The following CENPF variants were observed in gnomAD, a reference collection of about 807,000 sequenced individuals.
The protein encoded by CENPF is AH antigen.
CENPF carries 214 observed loss-of-function variants against 307.3 expected under a neutral mutation model. The ratio of observed to expected loss-of-function variants is 0.70; its 90% CI spans 0.62 to 0.78. CENPF has a LOEUF of 0.78. CENPF is among the 30% of genes least tolerant of loss of function. The pLI, the probability that CENPF is intolerant of heterozygous loss-of-function variation, is 0.00. For synonymous variants in CENPF, 1,259 were observed against 1,270.6 expected, an observed-to-expected ratio of 0.99 and a Z score of 0.19; for missense variants, 3,401 against 3,483.9, an observed-to-expected ratio of 0.98 and a Z score of 0.60.
At chr1:214,650,814 A>G (rs141158482) in intron 14 of CENPF, among the ~76,000 whole-genome samples, 3,558 of 152,142 alleles carry the variant, frequency 0.023, 73 homozygotes, top group African/African-American at 0.053. Context: ...TGAGCCCTGG[A>G]GATTGAGGCT....
intron 1 of CENPF, chr1:214,605,821 G>T: frequency 6.3e-7 from 1 of 1,593,270 alleles, no homozygotes; most frequent in Non-Finnish European, 8.5e-7. Flanking sequence ...GCGCCAGCCC[G>T]TGCGAGAAGT....
In CENPF at chr1:214,663,593, C is replaced by G. The variant is rs544078650; in HGVS notation, c.9144C>G (p.Val3048=). 39 of 1,614,002 alleles carry G rather than the reference C, an allele frequency of 2.4e-5. 1 individual carries two copies. The South Asian group carries it at 4.1e-4, about 17-fold the overall frequency. The part of the protein sequence containing the change: ...PTAGGSRSQK[V]KVAQRSPVDS... ...TAACAGAGATGTTTGTGTTGCAGGT[C>G]AAAGTTGCTCAGCGGAGCCCAGTAG... is the stretch of plus-strand genomic sequence containing the variant. The change falls in exon 20 of 20, where the codon GTC becomes GTG. Residue 3048 remains valine (V), a splice_region_variant and synonymous_variant. Transcript: ENST00000366955.
At position 214,642,011 on chromosome 1, in the gene CENPF, C is replaced by G; in HGVS notation, c.3673C>G (p.Gln1225Glu). 3 of 1,610,980 alleles carry G rather than the reference C, an allele frequency of 1.9e-6. No individual in the cohort carries two copies. Among genetic ancestry groups the G allele is most frequent in the Non-Finnish European group, 2.5e-6 (3 of 1,179,316 alleles). Residue 1225 changes from glutamine to glutamate, a missense_variant, in exon 12 of 20, where the codon CAG (glutamine) becomes GAG (glutamate). Coordinates refer to ENST00000366955, the MANE Select transcript of CENPF (RefSeq NM_016343.4). ...GCTAAGAAATAAGGAATTAAAACTT[C>G]AGGAAAGTGAGAAGGAGAAGGAGTG... ...AMLRNKELKL[Q>E]ESEKEKECLQ...
intron 10 of CENPF, among the ~76,000 whole-genome samples, chr1:214,635,692 C>T (rs554722652): frequency 5.1e-4 from 78 of 152,252 alleles, no homozygotes; most frequent in African/African-American, 1.7e-3. Context: ...TGCTGGGTCC[C>T]AGGATTGGCT....
At chr1:214,647,783 T>C (rs1658353600) in intron 13 of CENPF, among the ~76,000 whole-genome samples, 2 of 152,194 alleles carry the variant, frequency 1.3e-5, no homozygotes, top group Non-Finnish European at 2.9e-5. Context: ...ACAGACATTA[T>C]CTAGGATCGG....
In CENPF at chr1:214,657,193, G is replaced by A; in HGVS notation, c.8746G>A (p.Val2916Ile). The part of the protein sequence containing the change: ...VVPGPSPIPS[V>I]TEKRLSSGQN... ...TCCAGGACCATCTCCAATCCCTTCT[G>A]TTACTGAAAAGAGGTTATCATCTGG... The change falls in exon 18 of 20, where the codon GTT becomes ATT. Residue 2916 changes from valine to isoleucine, a missense_variant. Physicochemically the swap from Val to Ile is conservative, Grantham distance 29. Transcript: ENST00000366955. The A allele has an allele frequency of 6.2e-7, 1 of 1,614,144 alleles. No individual in the cohort carries two copies. The highest frequency in any genetic ancestry group is 2.2e-5 in the East Asian group (1 of 44,876).
chr1:214,657,470 C>A, intron 18 of CENPF, 61 bp downstream of exon 18: 1 of 1,262,534 alleles, frequency 7.9e-7, no homozygotes, highest in South Asian at 1.4e-5. Context: ...TAATGGTTCA[C>A]ATATAAAAAG....
At chr1:214,619,006 C>T (rs2292377) in intron 4 of CENPF, 123 bp from the exon 5 acceptor site, 2 of 598,394 alleles carry the variant, frequency 3.3e-6, no homozygotes, top group African/African-American at 1.9e-5. Flanking sequence ...ATCTATTTCC[C>T]TAACCAAAAT....
intron 1 of CENPF, chr1:214,608,941 CA>C: frequency 8.5e-7 from 1 of 1,179,416 alleles, no homozygotes; most frequent in Non-Finnish European, 1.1e-6. Context: ...GAGTCGCGGG[CA>C]GGGGGGAGGG....
intron 3 of CENPF, among the ~76,000 whole-genome samples, chr1:214,616,097 A>G (rs1015274935): frequency 6.6e-6 from 1 of 152,068 alleles, no homozygotes; most frequent in African/African-American, 2.4e-5. Flanking sequence ...GTTTGTTAAA[A>G]CTGTGGAGAT....
chr1:214,609,163 C>G (rs1046889162), intron 1 of CENPF, among the ~76,000 whole-genome samples: 1 of 152,048 alleles, frequency 6.6e-6, no homozygotes, highest in Non-Finnish European at 1.5e-5. Flanking sequence ...CCCTCCGCGC[C>G]CCGGCCGGCC....
At chr1:214,632,421 T>A (rs1292444967) in intron 9 of CENPF, 59 bp from the exon 10 acceptor site, 40 of 1,566,172 alleles carry the variant, frequency 2.6e-5, no homozygotes, top group Non-Finnish European at 3.3e-5. Context: ...TAAGAATACA[T>A]GATTAATGAA....
rs748129194 is a variant in CENPF, at chr1:214,629,002, T to G, written c.1069-44T>G. On this transcript the variant is annotated intron_variant, in intron 7 of 19. Transcript: ENST00000366955. ...AACACAAAATATTTGTTCATTTATG[T>G]GAGTAATATTTATTTTGTCTTGAAC... 14 of 1,397,086 alleles carry G rather than the reference T, an allele frequency of 1.0e-5. No individual in the cohort carries two copies. In the South Asian group the frequency reaches 1.9e-4, roughly 19 times the overall value. 86.5% of individuals were successfully genotyped at this position (1,397,086 alleles called of 1,614,324 possible). A position where few individuals can be genotyped will look rare whatever the true frequency, so the allele number is the denominator to read the frequency against.
intron 16 of CENPF, among the ~76,000 whole-genome samples, chr1:214,654,747 C>CT (rs1033062192): frequency 6.6e-6 from 1 of 151,800 alleles, no homozygotes; most frequent in African/African-American, 2.4e-5. Flanking sequence ...ATTCTGTTGT[C>CT]TTTCTACTCG....
At chr1:214,654,679 TG>T (rs1182583647) in intron 16 of CENPF, among the ~76,000 whole-genome samples, 3 of 152,062 alleles carry the variant, frequency 2.0e-5, no homozygotes, top group Non-Finnish European at 2.9e-5. Context: ...TTGGGAATTG[TG>T]AATAAGAATG....
chr1:214,641,375 G>A lies in CENPF; in HGVS notation c.3037G>A (p.Glu1013Lys). The change falls in exon 12 of 20, where the codon GAG (glutamate) becomes AAG (lysine). Residue 1013 changes from glutamate (E) to lysine (K), a missense_variant. Transcript: ENST00000366955. ...YIDEREKSIS[E>K]LSDQYKQEKL... is the part of the protein sequence containing the mutation. ...AGATGAAAGGGAGAAAAGCATTTCA[G>A]AGTTATCTGATCAGTACAAGCAAGA... The A allele has an allele frequency of 6.2e-7, 1 of 1,608,720 alleles. No individual in the cohort carries two copies. The highest frequency in any genetic ancestry group is 8.5e-7 in the Non-Finnish European group (1 of 1,178,734).
intron 11 of CENPF, among the ~76,000 whole-genome samples, chr1:214,638,831 A>G (rs1028868974): frequency 1.3e-5 from 2 of 152,202 alleles, no homozygotes; most frequent in Admixed American, 6.5e-5. Flanking sequence ...CAAAAACCCA[A>G]TCTTCCCAAG....
chr1:214,644,102 C>T (rs950649061), intron 12 of CENPF, among the ~76,000 whole-genome samples: 1 of 152,138 alleles, frequency 6.6e-6, no homozygotes, highest in African/African-American at 2.4e-5. Context: ...ACAGTAAGTG[C>T]TGGATTGGGG....
intron 1 of CENPF, chr1:214,605,628 G>T (rs1192510455): frequency 4.0e-6 from 6 of 1,486,552 alleles, no homozygotes; most frequent in South Asian, 1.2e-5. Context: ...GCGGGGTGAG[G>T]TCCGGGGGCT....
Sources: gnomAD v4.1 joint callset for allele counts (sites outside exome capture counted in the v4.1 genomes callset) on GRCh38, gnomAD v4.1.1 for gene constraint, MANE v1.5 for transcripts, NCBI Gene and HGNC (gene_info 2026-07-23, HGNC 2026-07-21) for gene names.